SCGB2B2: variants seen among roughly 807,000 people sequenced by gnomAD.
The protein encoded by SCGB2B2 is secretoglobin family 2B member 2, also known as secretoglobin-like protein.
In SCGB2B2, 11 loss-of-function variants were observed where a neutral mutation model predicts 7.6. The observed-to-expected ratio is 1.45, with a 90% CI of 0.91 to 2.40. The LOEUF is 2.40. Ranked by LOEUF, SCGB2B2 falls within the 30% of genes most tolerant of loss-of-function variation. SCGB2B2 has a pLI of 0.00. For missense variants in SCGB2B2, 104 were observed against 115.4 expected (o/e 0.90, Z 0.45); for synonymous variants, 50 against 48.6 (o/e 1.03, Z -0.12).
At chr19:34,672,948 C>G (rs996634925) in intron 1 of SCGB2B2, among the ~76,000 whole-genome samples, 6 of 151,316 alleles carry the variant, frequency 4.0e-5, no homozygotes, top group African/African-American at 1.5e-4. Flanking sequence ...ACTGGGGATT[C>G]GGTTTCAGCA....
chr19:34,634,229 C>T (rs1441259071), intron 1 of SCGB2B2, among the ~76,000 whole-genome samples: 1 of 152,166 alleles, frequency 6.6e-6, no homozygotes, highest in Non-Finnish European at 1.5e-5. Flanking sequence ...CTATGAATCA[C>T]ATGCAGTATG....
intron 1 of SCGB2B2, among the ~76,000 whole-genome samples, chr19:34,600,723 A>AT (rs34456673): frequency 2.6e-5 from 4 of 151,580 alleles, no homozygotes; most frequent in Non-Finnish European, 5.9e-5. Flanking sequence ...GTTCTTTTCT[A>AT]TTTTTTCCAC....
In SCGB2B2 at chr19:34,594,937, A is replaced by G. The variant is rs1345429591; in HGVS notation, c.-374T>C. ...TGTGTCTTGGCAAACGTGTGTCTGC[A>G]CTTGGCACGCCCTAGCACAGAATCT... On this transcript the variant is annotated 5_prime_UTR_variant, in exon 2 of 4. Coordinates refer to ENST00000601241, the MANE Select transcript of SCGB2B2 (RefSeq NM_001025591.4). 6.8e-6 allele frequency: 2 copies of G among 293,962 alleles called. No individual in the cohort carries two copies. The highest frequency in any genetic ancestry group is 1.3e-5 in the Non-Finnish European group (2 of 151,206). The allele number at this position is 293,962 out of a possible 1,614,324, so 18.2% of individuals were successfully genotyped here. A position where few individuals can be genotyped will look rare whatever the true frequency, so the allele number is the denominator to read the frequency against.
intron 3 of SCGB2B2, among the ~76,000 whole-genome samples, chr19:34,593,832 G>C (rs1437630793): frequency 6.6e-6 from 1 of 152,066 alleles, no homozygotes; most frequent in African/African-American, 2.4e-5. Context: ...CATGGGGTGT[G>C]TGTGTTGCTG....
chr19:34,668,801 AC>A (rs2067715648), intron 1 of SCGB2B2, among the ~76,000 whole-genome samples: 3 of 151,994 alleles, frequency 2.0e-5, no homozygotes, highest in Non-Finnish European at 1.5e-5. Context: ...GACGTGGAGA[AC>A]CTTTGTGTCT....
At chr19:34,631,022 C>A (rs1186585078) in intron 1 of SCGB2B2, among the ~76,000 whole-genome samples, 8 of 149,434 alleles carry the variant, frequency 5.4e-5, no homozygotes, top group Non-Finnish European at 1.2e-4. Context: ...GGACAAAAAA[C>A]CAAACACTGT....
Position 34,665,053 on chromosome 19 carries a change from C to T in SCGB2B2, c.-2032+10577G>A, listed in dbSNP as rs1304704957. The stretch of plus-strand genomic sequence containing the variant: ...GGCCCCAAGGCTGCAGCACGGGATG[C>T]CTTTCTGACCCTGGACCTGCCCTGG... On this transcript the variant is annotated intron_variant, in intron 1 of 3. Transcript: ENST00000601241. 2.6e-5 allele frequency among the ~76,000 whole-genome samples: 4 copies of T among 152,320 alleles called. No individual in the cohort carries two copies. The East Asian group carries it at 7.7e-4, about 29-fold the overall frequency.
rs140726812 is a variant in SCGB2B2, at chr19:34,649,921, A to G, written c.-2032+25709T>C. Among the ~76,000 whole-genome samples, 18 of 151,158 alleles carry G rather than the reference A, an allele frequency of 1.2e-4. No homozygotes were observed. In the East Asian group the frequency reaches 3.1e-3, roughly 26 times the overall value. On this transcript the variant is annotated intron_variant, in intron 1 of 3. Coordinates refer to ENST00000601241, the MANE Select transcript of SCGB2B2 (RefSeq NM_001025591.4). ...TCTGATCTCTGCTAGGGTGATTCCA[A>G]TGCCTGACCATCTGTTCTTCTTCTT...
At chr19:34,626,479 G>A (rs969839936) in intron 1 of SCGB2B2, among the ~76,000 whole-genome samples, 3 of 152,164 alleles carry the variant, frequency 2.0e-5, no homozygotes, top group Non-Finnish European at 1.5e-5. Flanking sequence ...CTCAGTAGCC[G>A]ATTCGATCAA....
At position 34,593,356 on chromosome 19, in the gene SCGB2B2, A is replaced by C. The variant is rs754549657; in HGVS notation, c.*199T>G. ...TGCTACACCTGTAGAGTTTTTCCTC[A>C]GTCGCATATTTTCACACTGGGACCC... On this transcript the variant is annotated 3_prime_UTR_variant, in exon 4 of 4. Coordinates refer to ENST00000601241, the MANE Select transcript of SCGB2B2 (RefSeq NM_001025591.4). 1.1e-5 allele frequency: 6 copies of C among 537,940 alleles called. No individual in the cohort carries two copies. The highest frequency in any genetic ancestry group is 2.0e-5 in the Non-Finnish European group (6 of 299,978). The allele number at this position is 537,940 out of a possible 1,614,324, so 33.3% of individuals were successfully genotyped here.
intron 1 of SCGB2B2, chr19:34,645,765 T>C (rs751737014): frequency 2.1e-5 from 7 of 327,810 alleles, no homozygotes; most frequent in Admixed American, 3.6e-5. Flanking sequence ...CAGGTGGCCC[T>C]GCTCCTTCAC....
chr19:34,656,956 A>G (rs2067299489), intron 1 of SCGB2B2, among the ~76,000 whole-genome samples: 1 of 151,338 alleles, frequency 6.6e-6, no homozygotes, highest in South Asian at 2.1e-4. Context: ...CTACAAGTGG[A>G]ATAAAGCAAG....
intron 1 of SCGB2B2, among the ~76,000 whole-genome samples, chr19:34,598,137 C>T (rs374137686): frequency 3.3e-5 from 5 of 152,144 alleles, no homozygotes; most frequent in African/African-American, 9.6e-5. Flanking sequence ...GAGGCTGACT[C>T]GGGGCTAGGA....
chr19:34,586,240 A>G (rs571180161), downstream of SCGB2B2, among the ~76,000 whole-genome samples: 155 of 152,176 alleles, frequency 1.0e-3, no homozygotes, highest in African/African-American at 3.4e-3. Context: ...TGTTTATTAA[A>G]TTAAATTATT....
At chr19:34,652,897 C>T (rs1359777071) in intron 1 of SCGB2B2, among the ~76,000 whole-genome samples, 1 of 151,364 alleles carries the variant, frequency 6.6e-6, no homozygotes, top group Non-Finnish European at 1.5e-5. Flanking sequence ...AAAGAGATAT[C>T]TGCACTCTCA....
rs180896871 is a variant in SCGB2B2, at chr19:34,617,003, C to T, written c.-2031-20409G>A. ...CAAAGATCAGATAGTTGTAGATATG[C>T]GGCATTATTTCTGAGGGCTCTGTTC... On this transcript the variant is annotated intron_variant, in intron 1 of 3. Coordinates refer to ENST00000601241, the MANE Select transcript of SCGB2B2 (RefSeq NM_001025591.4). Among the ~76,000 whole-genome samples the T allele has an allele frequency of 9.5e-3, 1,445 of 152,164 alleles. 28 individuals carry two copies. The highest frequency in any genetic ancestry group is 0.032 in the African/African-American group (1,346 of 41,490).
At chr19:34,620,267 T>G (rs944602521) in intron 1 of SCGB2B2, among the ~76,000 whole-genome samples, 9 of 152,120 alleles carry the variant, frequency 5.9e-5, no homozygotes, top group Non-Finnish European at 1.2e-4. Context: ...AGCAAAGACT[T>G]GGAACCAACC....
chr19:34,623,625 T>C (rs1354061082), intron 1 of SCGB2B2, among the ~76,000 whole-genome samples: 1 of 152,116 alleles, frequency 6.6e-6, no homozygotes, highest in Non-Finnish European at 1.5e-5. Context: ...CTACTCGACC[T>C]AAAAGGCTCC....
rs1387386469 is a variant in SCGB2B2, at chr19:34,592,111, TGGG to T, written c.*1441_*1443del. Among the ~76,000 whole-genome samples the T allele has an allele frequency of 6.6e-6, 1 of 151,816 alleles. No homozygotes were observed. The highest frequency in any genetic ancestry group is 1.5e-5 in the Non-Finnish European group (1 of 67,958). On this transcript the variant is annotated 3_prime_UTR_variant, in exon 4 of 4. Coordinates refer to ENST00000601241, the MANE Select transcript of SCGB2B2 (RefSeq NM_001025591.4). ...AGAGGGGAGATGATGTGTCCTGAGA[TGGG>T]GGACTGAAACGTGTGACCTGGAGGA...
Sources: allele counts gnomAD v4.1 joint callset (sites outside exome capture counted in the v4.1 genomes callset), GRCh38; gene constraint gnomAD v4.1.1; transcripts MANE v1.5; gene names NCBI Gene and HGNC (gene_info 2026-07-23, HGNC 2026-07-21).